AGL: variants seen among roughly 807,000 people sequenced by gnomAD.
AGL encodes glycogen debranching enzyme.
AGL carries 128 observed loss-of-function variants against 199.3 expected under a neutral mutation model. The ratio of observed to expected loss-of-function variants is 0.64; its 90% confidence interval spans 0.56 to 0.74. AGL has a LOEUF of 0.74. Among genes scored for constraint, AGL ranks in the 30% least tolerant of loss-of-function variants. The pLI is 0.00. For missense variants in AGL, 1,809 were observed against 1,820.8 expected, an observed-to-expected ratio of 0.99 and a Z score of 0.12; for synonymous variants, 584 against 594.7, an observed-to-expected ratio of 0.98 and a Z score of 0.26.
chr1:99,921,010 A>G (rs548156063), intron 33 of AGL, among the ~76,000 whole-genome samples: 2 of 152,328 alleles, frequency 1.3e-5, no homozygotes, highest in Admixed American at 1.3e-4. Context: ...TAATATACAT[A>G]AAAGCAGTAT....
At chr1:99,856,238 A>G (rs834664) in intron 2 of AGL, among the ~76,000 whole-genome samples, 4,433 of 151,832 alleles carry the variant, frequency 0.029, 219 homozygotes, top group African/African-American at 0.1. Context: ...GTGGCTATGT[A>G]TCCCTTGGGG....
intron 21 of AGL, 145 bp downstream of exon 21, chr1:99,888,253 C>A: frequency 1.0e-6 from 1 of 998,788 alleles, no homozygotes; most frequent in Non-Finnish European, 1.5e-6. Context: ...TGACCTTTGG[C>A]AAGTAATATA....
chr1:99,909,921 A>G (rs779859565), intron 27 of AGL, among the ~76,000 whole-genome samples: 1 of 152,204 alleles, frequency 6.6e-6, no homozygotes, highest in Non-Finnish European at 1.5e-5. Flanking sequence ...ATTACATAGC[A>G]TATATTCAGT....
Position 99,888,094 on chromosome 1 carries a change from A to G in AGL, c.2798A>G (p.Tyr933Cys), listed in dbSNP as rs756888005. ...ATACCAAACTGGTCAGCCCTTAAATATGCAGGTCTTCAAGGTAAGCAAATG... is the reference window on the plus strand; with the variant it reads ...ATACCAAACTGGTCAGCCCTTAAATGTGCAGGTCTTCAAGGTAAGCAAATG... The part of the protein sequence containing the change: ...YDIPNWSALK[Y>C]AGLQGLMSVL... The change falls in exon 21 of 34, where the codon TAT (tyrosine) becomes TGT (cysteine). Residue 933 changes from tyrosine (Y) to cysteine (C), a missense_variant. Tyr to Cys is a radical substitution (Grantham distance 194). Transcript: ENST00000361915. The G allele has an allele frequency of 1.2e-6, 2 of 1,613,128 alleles. No homozygotes were observed. The highest frequency in any genetic ancestry group is 1.3e-5 in the African/African-American group (1 of 74,882).
chr1:99,905,372 T>TTTGTTGTTG (rs150259594), intron 27 of AGL, among the ~76,000 whole-genome samples: 3,346 of 150,996 alleles, frequency 0.022, 72 homozygotes, highest in Middle Eastern at 0.059. Flanking sequence ...ATTTTTTGTA[T>TTTGTTGTTG]TTGTTGTTGT....
chr1:99,900,875 T>C lies in AGL; in HGVS notation c.3588+14T>C. On this transcript the variant is annotated intron_variant, in intron 26 of 33. Coordinates refer to ENST00000361915, the MANE Select transcript of AGL (RefSeq NM_000642.3). ...GCTGGCACACTGGTAAAGATATTTC[T>C]TAAAATGTTTTTTTGTTTTTTTTTT... is the stretch of plus-strand genomic sequence containing the variant. 6.4e-7 allele frequency: 1 copy of C among 1,560,560 alleles called. No individual in the cohort carries two copies. Among genetic ancestry groups the C allele is most frequent in the Non-Finnish European group, 8.7e-7 (1 of 1,145,532 alleles).
intron 1 of AGL, 63 bp downstream of exon 1, chr1:99,850,478 C>T (rs1648863379): frequency 6.4e-6 from 1 of 155,812 alleles, no homozygotes; most frequent in African/African-American, 2.4e-5. Flanking sequence ...ATAGCTCGCT[C>T]TGTACATCTT....
At chr1:99,886,957 TATAAG>T (rs755214095) in intron 20 of AGL, among the ~76,000 whole-genome samples, 1 of 152,190 alleles carries the variant, frequency 6.6e-6, no homozygotes, top group Non-Finnish European at 1.5e-5. Flanking sequence ...TTTGCAGTTT[TATAAG>T]ATCCCCAGGT....
At chr1:99,888,438 A>C (rs1652628176) in intron 21 of AGL, among the ~76,000 whole-genome samples, 1 of 152,154 alleles carries the variant, frequency 6.6e-6, no homozygotes, top group Non-Finnish European at 1.5e-5. Flanking sequence ...TCTTTCCTTA[A>C]GGTCTGTATA....
intron 8 of AGL, 96 bp downstream of exon 8, chr1:99,874,906 G>T (rs1651378443): frequency 7.1e-7 from 1 of 1,414,818 alleles, no homozygotes. Flanking sequence ...ACGCTTAATA[G>T]AAAATGAAAT....
intron 3 of AGL, among the ~76,000 whole-genome samples, chr1:99,862,007 A>T (rs894815560): frequency 6.6e-6 from 1 of 152,168 alleles, no homozygotes; most frequent in East Asian, 1.9e-4. Context: ...AGGTTTTAGT[A>T]TACTTATATT....
chr1:99,911,110 C>T (rs1219979436), intron 28 of AGL, among the ~76,000 whole-genome samples: 1 of 152,172 alleles, frequency 6.6e-6, no homozygotes, highest in Non-Finnish European at 1.5e-5. Context: ...GATTCATTAT[C>T]CCAGTGGTTA....
At chr1:99,891,998 C>T (rs1479604318) in intron 23 of AGL, among the ~76,000 whole-genome samples, 1 of 152,062 alleles carries the variant, frequency 6.6e-6, no homozygotes, top group African/African-American at 2.4e-5. Context: ...TATGTATTCA[C>T]TGACTTATTG....
At position 99,922,331 on chromosome 1, in the gene AGL, T is replaced by C. The variant is rs886044928; in HGVS notation, c.*680T>C. ...AAAAACAGTTTTGTAAAATTAGTATTGAGTTCTATTGAGTATTATAAGATA... is the reference window on the plus strand; with the variant it reads ...AAAAACAGTTTTGTAAAATTAGTATCGAGTTCTATTGAGTATTATAAGATA... On this transcript the variant is annotated 3_prime_UTR_variant, in exon 34 of 34. Transcript: ENST00000361915. 6.6e-6 allele frequency: 1 copy of C among 151,982 alleles called. No individual in the cohort carries two copies. The highest frequency in any genetic ancestry group is 2.4e-5 in the African/African-American group (1 of 41,570). 9.4% of individuals were successfully genotyped at this position (151,982 alleles called of 1,614,324 possible).
intron 33 of AGL, among the ~76,000 whole-genome samples, chr1:99,916,972 C>T (rs1049964610): frequency 3.9e-4 from 60 of 152,112 alleles, no homozygotes; most frequent in African/African-American, 1.4e-3. Flanking sequence ...GTGGAATAGT[C>T]TTTGATTTTT....
At chr1:99,921,487 A>G (rs2100901120) in intron 33 of AGL, 47 bp from the exon 34 acceptor site, 1 of 1,366,524 alleles carries the variant, frequency 7.3e-7, no homozygotes, top group Non-Finnish European at 1.0e-6. Context: ...TATTTTGTTA[A>G]TATGAATTAA....
chr1:99,860,702 T>G (rs494626), intron 2 of AGL, among the ~76,000 whole-genome samples: 1 of 152,076 alleles, frequency 6.6e-6, no homozygotes, highest in Non-Finnish European at 1.5e-5. Flanking sequence ...CCATGAAGCA[T>G]AGGGATATAG....
At chr1:99,882,367 G>T (rs1162006763) in intron 17 of AGL, among the ~76,000 whole-genome samples, 3 of 152,050 alleles carry the variant, frequency 2.0e-5, no homozygotes, top group Non-Finnish European at 4.4e-5. Flanking sequence ...ATGTCTTTGT[G>T]TGTATATATG....
At chr1:99,907,629 TG>T (rs1406643195) in intron 27 of AGL, among the ~76,000 whole-genome samples, 1 of 152,114 alleles carries the variant, frequency 6.6e-6, no homozygotes, top group Non-Finnish European at 1.5e-5. Flanking sequence ...TTTCTGTGTT[TG>T]TTTTTTTGGA....
Sources: gnomAD v4.1 joint callset for allele counts (sites outside exome capture counted in the v4.1 genomes callset) on GRCh38, gnomAD v4.1.1 for gene constraint, MANE v1.5 for transcripts, NCBI Gene and HGNC (gene_info 2026-07-23, HGNC 2026-07-21) for gene names.